The following CUBN variants were observed in gnomAD, a reference collection of about 807,000 sequenced individuals.
CUBN encodes cubilin.
CUBN carries 282 observed loss-of-function variants against 405.3 expected under a neutral mutation model. That is an observed-to-expected ratio of 0.70 (90% CI 0.63 to 0.77). CUBN has a LOEUF of 0.77. Ranked by LOEUF, CUBN falls within the 30% of genes least tolerant of loss-of-function variation. The pLI is 0.00. For synonymous variants in CUBN, 1,684 were observed against 1,617.0 expected (o/e 1.04, Z -0.99); for missense variants, 4,514 against 4,475.2 (o/e 1.01, Z -0.25).
chr10:17,030,253 A>G (rs1834759965), intron 27 of CUBN, among the ~76,000 whole-genome samples: 1 of 152,124 alleles, frequency 6.6e-6, no homozygotes, highest in Admixed American at 6.5e-5. Flanking sequence ...CAATAAATAC[A>G]ATGCACTTGA....
chr10:17,022,815 A>C (rs1461156313), intron 27 of CUBN, among the ~76,000 whole-genome samples: 1 of 152,210 alleles, frequency 6.6e-6, no homozygotes, highest in South Asian at 2.1e-4. Flanking sequence ...CCCAAATCTT[A>C]ACCTTTGGAT....
At chr10:17,107,440 AAAT>A (rs773351624) in intron 10 of CUBN, among the ~76,000 whole-genome samples, 3 of 152,200 alleles carry the variant, frequency 2.0e-5, no homozygotes, top group Non-Finnish European at 4.4e-5. Context: ...AAAATAGAAC[AAAT>A]TACACAATGT....
chr10:16,871,487 G>GT (rs1012747200), intron 58 of CUBN, among the ~76,000 whole-genome samples: 2 of 150,556 alleles, frequency 1.3e-5, no homozygotes, highest in African/African-American at 2.4e-5. Context: ...AAAATTGTTG[G>GT]TTTTTTTTCT....
At chr10:16,985,773 G>C (rs1437566796) in intron 29 of CUBN, among the ~76,000 whole-genome samples, 4 of 152,224 alleles carry the variant, frequency 2.6e-5, no homozygotes, top group African/African-American at 4.8e-5. Context: ...GCGACGGGGT[G>C]GTCAGGGAAC....
At chr10:16,924,085 A>T (rs1842115393) in intron 43 of CUBN, among the ~76,000 whole-genome samples, 1 of 150,048 alleles carries the variant, frequency 6.7e-6, no homozygotes, top group South Asian at 2.1e-4. Context: ...GAAAAAAAAG[A>T]CTGAGTCTAT....
At position 17,129,233 on chromosome 10, in the gene CUBN, T is replaced by C; in HGVS notation, c.140A>G (p.Glu47Gly). 2.5e-6 allele frequency: 4 copies of C among 1,613,658 alleles called. No homozygotes were observed. The South Asian group carries it at 3.3e-5, about 13-fold the overall frequency. Reference protein sequence around the residue: ...INLQQPRMATERGNLVFLTGS... With the variant: ...INLQQPRMATGRGNLVFLTGS... ...CGTAAGAAACACCAAATTTCCTCTC[T>C]CTGTAGCCATTCGAGGCCTATATAA... The change falls in exon 2 of 67, where the codon GAG becomes GGG. Residue 47 changes from glutamate (E) to glycine (G), a missense_variant. Transcript: ENST00000377833.
At chr10:17,047,185 C>G (rs972223601) in intron 23 of CUBN, among the ~76,000 whole-genome samples, 2 of 152,114 alleles carry the variant, frequency 1.3e-5, no homozygotes, top group African/African-American at 4.8e-5. Flanking sequence ...AGTTTATTTT[C>G]AAGTATTTCC....
At chr10:16,980,987 A>G (rs1367601220) in intron 31 of CUBN, among the ~76,000 whole-genome samples, 3 of 152,128 alleles carry the variant, frequency 2.0e-5, no homozygotes, top group Non-Finnish European at 4.4e-5. Flanking sequence ...AAGTGTTGGT[A>G]GTAGTGATGG....
At chr10:16,878,162 C>T (rs576323760) in intron 56 of CUBN, among the ~76,000 whole-genome samples, 1 of 152,256 alleles carries the variant, frequency 6.6e-6, no homozygotes, top group African/African-American at 2.4e-5. Flanking sequence ...GTGGTGCGCG[C>T]CTGTAGTCCC....
chr10:16,825,171 T>C, intron 66 of CUBN, 89 bp from the exon 67 acceptor site: 1 of 858,220 alleles, frequency 1.2e-6, no homozygotes, highest in East Asian at 2.7e-5. Flanking sequence ...AAGTACCACA[T>C]AAAGAAACTT....
At chr10:17,053,747 C>T (rs1174760318) in intron 22 of CUBN, among the ~76,000 whole-genome samples, 1 of 152,126 alleles carries the variant, frequency 6.6e-6, no homozygotes, top group Non-Finnish European at 1.5e-5. Context: ...GAGCACTACA[C>T]TTAATAACTG....
chr10:17,086,024 G>T (rs1222610762), intron 15 of CUBN, among the ~76,000 whole-genome samples: 4 of 149,152 alleles, frequency 2.7e-5, no homozygotes, highest in Non-Finnish European at 5.9e-5. Flanking sequence ...GGAGTGCAGT[G>T]GTGCGATCTC....
chr10:16,976,173 C>T (rs896913295), intron 31 of CUBN, among the ~76,000 whole-genome samples: 6 of 151,820 alleles, frequency 4.0e-5, no homozygotes, highest in African/African-American at 1.5e-4. Flanking sequence ...GGTCTCACTA[C>T]ATTGCCCAGG....
chr10:17,043,723 C>T (rs1284604604), intron 26 of CUBN, 104 bp downstream of exon 26: 38 of 1,509,174 alleles, frequency 2.5e-5, no homozygotes, highest in Admixed American at 3.4e-5. Context: ...AGGCACTGAA[C>T]AGCGAGTATA....
chr10:16,966,613 T>G (rs1843398934), intron 31 of CUBN, among the ~76,000 whole-genome samples: 1 of 152,156 alleles, frequency 6.6e-6, no homozygotes, highest in African/African-American at 2.4e-5. Context: ...TACACCCAGC[T>G]ACATTTCGTA....
At chr10:16,859,153 G>A (rs1839945676) in intron 59 of CUBN, among the ~76,000 whole-genome samples, 1 of 152,132 alleles carries the variant, frequency 6.6e-6, no homozygotes. Context: ...TTTGTTCAGT[G>A]AAAGGCCAAT....
At chr10:16,872,269 C>T (rs1313815900) in intron 58 of CUBN, among the ~76,000 whole-genome samples, 1 of 151,664 alleles carries the variant, frequency 6.6e-6, no homozygotes, top group African/African-American at 2.4e-5. Context: ...ATAAAATAAA[C>T]ATGCAGATGT....
intron 14 of CUBN, among the ~76,000 whole-genome samples, chr10:17,097,383 T>C (rs895459798): frequency 6.6e-6 from 1 of 152,118 alleles, no homozygotes; most frequent in Non-Finnish European, 1.5e-5. Flanking sequence ...AATAGATCTA[T>C]ATTAAATACA....
intron 65 of CUBN, 25 bp downstream of exon 65, chr10:16,831,227 C>T: frequency 6.2e-7 from 1 of 1,611,708 alleles, no homozygotes; most frequent in Non-Finnish European, 8.5e-7. Flanking sequence ...ACAGTGCTTT[C>T]CTGTACAAAG....
Sources: gnomAD v4.1 joint callset for allele counts (sites outside exome capture counted in the v4.1 genomes callset) on GRCh38, gnomAD v4.1.1 for gene constraint, MANE v1.5 for transcripts, NCBI Gene and HGNC (gene_info 2026-07-23, HGNC 2026-07-21) for gene names.